TNFAIP8: variants seen among roughly 807,000 people sequenced by gnomAD.
TNFAIP8 encodes the protein TNF alpha induced protein 8.
Under a neutral mutation model 13.3 loss-of-function variants are expected in TNFAIP8, and 7 were observed. That is an observed-to-expected ratio of 0.52 (90% CI 0.30 to 0.99). The LOEUF is 0.99. Among genes scored for constraint, TNFAIP8 ranks in the 50% least tolerant of loss-of-function variants. The pLI is 0.07. For synonymous variants in TNFAIP8, 94 were observed against 87.6 expected (o/e 1.07, Z -0.41); for missense variants, 258 against 236.9 (o/e 1.09, Z -0.58).
Position 119,393,076 on chromosome 5 carries a change from T to A in TNFAIP8, c.292T>A (p.Leu98Met). 6.2e-7 allele frequency: 1 copy of A among 1,613,932 alleles called. No homozygotes were observed. Among genetic ancestry groups the A allele is most frequent in the East Asian group, 2.2e-5 (1 of 44,852 alleles). ...TCAGTTTAATCAAGATGAGCTAGCATTGATGGAGAAATTTAAGAAGAAAGT... is the reference window on the plus strand; with the variant it reads ...TCAGTTTAATCAAGATGAGCTAGCAATGATGGAGAAATTTAAGAAGAAAGT... Reference protein sequence around the residue: ...NNQFNQDELALMEKFKKKVHQ... With the variant: ...NNQFNQDELAMMEKFKKKVHQ... The change falls in exon 2 of 2, where the codon TTG becomes ATG. Residue 98 changes from leucine to methionine, a missense_variant. Physicochemically the swap from Leu to Met is conservative, Grantham distance 15. Transcript: ENST00000504771.
chr5:119,287,964 T>G (rs1170564508), intron 1 of TNFAIP8, among the ~76,000 whole-genome samples: 1 of 152,202 alleles, frequency 6.6e-6, no homozygotes, highest in Non-Finnish European at 1.5e-5. Context: ...CACCACCTTG[T>G]ACGTGAGTAA....
upstream of TNFAIP8, chr5:119,355,857 C>T: frequency 9.0e-7 from 1 of 1,111,398 alleles, no homozygotes; most frequent in Non-Finnish European, 1.1e-6. Context: ...GAGCGCGCGG[C>T]TCCGGGGGCG....
intron 1 of TNFAIP8, among the ~76,000 whole-genome samples, chr5:119,283,912 G>A (rs1467108408): frequency 6.6e-6 from 1 of 152,160 alleles, no homozygotes; most frequent in East Asian, 1.9e-4. Flanking sequence ...TATTAATTCA[G>A]CAGAAGTCAT....
chr5:119,383,868 T>C (rs1306460280), intron 1 of TNFAIP8, among the ~76,000 whole-genome samples: 1 of 152,236 alleles, frequency 6.6e-6, no homozygotes, highest in Non-Finnish European at 1.5e-5. Flanking sequence ...CCCTGGAAGC[T>C]ATTTCAAGCC....
At chr5:119,379,575 C>T (rs1033975830) in intron 1 of TNFAIP8, among the ~76,000 whole-genome samples, 2 of 151,992 alleles carry the variant, frequency 1.3e-5, no homozygotes, top group South Asian at 2.1e-4. Context: ...TGTGCTCCTT[C>T]ATTTGATTTG....
intron 1 of TNFAIP8, among the ~76,000 whole-genome samples, chr5:119,350,434 G>A (rs1208413455): frequency 1.3e-5 from 2 of 152,142 alleles, no homozygotes; most frequent in African/African-American, 4.8e-5. Flanking sequence ...CAAGGGTCTT[G>A]GAACCAATCT....
intron 1 of TNFAIP8, among the ~76,000 whole-genome samples, chr5:119,368,419 A>C (rs1222659953): frequency 1.4e-5 from 2 of 138,900 alleles, no homozygotes; most frequent in African/African-American, 5.4e-5. Context: ...TCACTTACCT[A>C]TTCTAAGCAG....
At chr5:119,314,721 T>G (rs1749832313) in intron 1 of TNFAIP8, among the ~76,000 whole-genome samples, 2 of 152,190 alleles carry the variant, frequency 1.3e-5, no homozygotes. Flanking sequence ...GGTCCTGGCT[T>G]TGCCTTGGAT....
chr5:119,367,380 C>T (rs1382489974), intron 1 of TNFAIP8, among the ~76,000 whole-genome samples: 1 of 152,050 alleles, frequency 6.6e-6, no homozygotes, highest in Non-Finnish European at 1.5e-5. Flanking sequence ...GTCAACTGGA[C>T]TATTTTGTCG....
chr5:119,389,163 T>A (rs1417688128), intron 1 of TNFAIP8, among the ~76,000 whole-genome samples: 2 of 151,798 alleles, frequency 1.3e-5, no homozygotes, highest in African/African-American at 4.8e-5. Flanking sequence ...GAGCAAAAGG[T>A]TGGAAGGGAT....
At chr5:119,297,916 C>T (rs1273102900) in intron 1 of TNFAIP8, among the ~76,000 whole-genome samples, 1 of 152,128 alleles carries the variant, frequency 6.6e-6, no homozygotes, top group Non-Finnish European at 1.5e-5. Context: ...TTATCAGAGA[C>T]TAGGATTGCA....
At chr5:119,389,568 C>G (rs1344225352) in intron 1 of TNFAIP8, among the ~76,000 whole-genome samples, 1 of 152,196 alleles carries the variant, frequency 6.6e-6, no homozygotes, top group Non-Finnish European at 1.5e-5. Context: ...AAACAAACTT[C>G]ATGAGCACAG....
At chr5:119,377,800 A>G (rs2112830772) in intron 1 of TNFAIP8, among the ~76,000 whole-genome samples, 2 of 152,304 alleles carry the variant, frequency 1.3e-5, no homozygotes, top group East Asian at 1.9e-4. Flanking sequence ...ACATACGGGT[A>G]CACTGCTGGG....
At chr5:119,352,212 T>C (rs563781362), upstream of TNFAIP8, among the ~76,000 whole-genome samples, 1 of 152,262 alleles carries the variant, frequency 6.6e-6, no homozygotes, top group South Asian at 2.1e-4. Context: ...CTGAGGATAA[T>C]AGGAAGAACT....
intron 1 of TNFAIP8, among the ~76,000 whole-genome samples, chr5:119,284,782 G>A (rs1294199013): frequency 6.6e-6 from 1 of 152,056 alleles, no homozygotes; most frequent in Non-Finnish European, 1.5e-5. Context: ...CAAACAACTT[G>A]AGAGCAACCT....
rs141516279 is a variant in TNFAIP8, at chr5:119,301,262, G to A, written c.1+32355G>A. Among the ~76,000 whole-genome samples the A allele has an allele frequency of 2.0e-5, 3 of 152,054 alleles. No individual in the cohort carries two copies. In the East Asian group the frequency reaches 5.8e-4, roughly 29 times the overall value. On this transcript the variant is annotated intron_variant, in intron 1 of 1. Transcript: ENST00000274456. ...CTGTTTTTCTATCCTCCCTTCTATT[G>A]TTCCCCATTGGGCACTCTATGCTTA...
intron 1 of TNFAIP8, among the ~76,000 whole-genome samples, chr5:119,311,578 A>G (rs950681784): frequency 4.0e-5 from 6 of 148,768 alleles, no homozygotes; most frequent in Non-Finnish European, 8.9e-5. Flanking sequence ...GGTCCCAGCT[A>G]CTTGGGAGGC....
rs568423488 is a variant in TNFAIP8 at position 119,326,650 on chromosome 5, T to G, written c.1+57743T>G. Among the ~76,000 whole-genome samples the G allele has an allele frequency of 5.6e-4, 86 of 152,336 alleles. 2 individuals carry two copies. The South Asian group carries it at 0.018, about 31-fold the overall frequency. ...ATGGCAGTGTTAAGGGTGATCGGGC[T>G]GTGCTTTGAGAAAATGTATCATGAG... On this transcript the variant is annotated intron_variant, in intron 1 of 1. Transcript: ENST00000274456.
intron 1 of TNFAIP8, among the ~76,000 whole-genome samples, chr5:119,298,052 C>T (rs1265021190): frequency 1.3e-5 from 2 of 152,192 alleles, no homozygotes; most frequent in African/African-American, 4.8e-5. Context: ...GGTCTTGACT[C>T]TTTATCCAAT....
Sources: gnomAD v4.1 joint callset for allele counts (sites outside exome capture counted in the v4.1 genomes callset) on GRCh38, gnomAD v4.1.1 for gene constraint, MANE v1.5 for transcripts, NCBI Gene and HGNC (gene_info 2026-07-23, HGNC 2026-07-21) for gene names.